Variants in SGCZ observed in about 807,000 individuals in gnomAD.
The protein encoded by SGCZ is sarcoglycan zeta.
Under a neutral mutation model 41.3 loss-of-function variants are expected in SGCZ, and 40 were observed. The ratio of observed to expected loss-of-function variants is 0.97; its 90% CI spans 0.75 to 1.26. The LOEUF is 1.26. Among genes scored for constraint, SGCZ ranks in the 50% most tolerant of loss-of-function variants. SGCZ has a pLI of 0.00. For missense variants in SGCZ, 552 were observed against 369.8 expected (o/e 1.49, Z -4.04); for synonymous variants, 206 against 137.5 (o/e 1.50, Z -3.49).
At chr8:14,867,019 AG>A (rs1803956099) in intron 1 of SGCZ, among the ~76,000 whole-genome samples, 1 of 152,124 alleles carries the variant, frequency 6.6e-6, no homozygotes, top group African/African-American at 2.4e-5. Flanking sequence ...GAAATTCTGT[AG>A]GAGCTAAAAT....
chr8:14,228,779 C>A (rs1423622275), intron 4 of SGCZ, among the ~76,000 whole-genome samples: 1 of 152,060 alleles, frequency 6.6e-6, no homozygotes, highest in Non-Finnish European at 1.5e-5. Flanking sequence ...ATTACTTTAA[C>A]AACTAAAGTT....
intron 1 of SGCZ, among the ~76,000 whole-genome samples, chr8:15,102,206 TA>T (rs542640462): frequency 5.2e-4 from 79 of 152,280 alleles, no homozygotes; most frequent in African/African-American, 1.8e-3. Context: ...TCCATACAAT[TA>T]AATATTTTTC....
At chr8:14,880,033 G>C (rs112827984) in intron 1 of SGCZ, among the ~76,000 whole-genome samples, 2,874 of 152,080 alleles carry the variant, frequency 0.019, 48 homozygotes, top group South Asian at 0.05. Context: ...TAGAGACTGT[G>C]TTTCTCCATG....
intron 1 of SGCZ, among the ~76,000 whole-genome samples, chr8:15,056,476 A>C (rs977447667): frequency 1.3e-5 from 2 of 152,154 alleles, no homozygotes; most frequent in African/African-American, 2.4e-5. Context: ...ACTCACTATT[A>C]ATGAATAAAT....
At chr8:14,836,683 T>A (rs933442898) in intron 1 of SGCZ, among the ~76,000 whole-genome samples, 2 of 152,088 alleles carry the variant, frequency 1.3e-5, no homozygotes, top group East Asian at 3.9e-4. Context: ...GTATTTTTAG[T>A]AGAGACACGG....
intron 4 of SGCZ, among the ~76,000 whole-genome samples, chr8:14,213,821 T>G (rs140010046): frequency 1.7e-3 from 254 of 152,200 alleles, no homozygotes; most frequent in Admixed American, 2.9e-3. Flanking sequence ...AAAGCAAAGT[T>G]TCAAGACTTC....
intron 1 of SGCZ, among the ~76,000 whole-genome samples, chr8:14,716,121 C>T (rs1369634869): frequency 6.6e-6 from 1 of 151,880 alleles, no homozygotes; most frequent in Non-Finnish European, 1.5e-5. Context: ...AATTAATTAC[C>T]TTCTTACCTT....
intron 1 of SGCZ, among the ~76,000 whole-genome samples, chr8:14,792,762 T>A (rs1016682836): frequency 1.2e-4 from 18 of 152,064 alleles, no homozygotes; most frequent in Non-Finnish European, 1.0e-4. Context: ...TCCAGGGTTT[T>A]CTTTTTCTCT....
At chr8:14,916,942 A>G (rs1165391887) in intron 1 of SGCZ, among the ~76,000 whole-genome samples, 2 of 152,170 alleles carry the variant, frequency 1.3e-5, no homozygotes, top group Admixed American at 1.3e-4. Flanking sequence ...AGCGTCAGAG[A>G]AAAACAGTCA....
intron 1 of SGCZ, among the ~76,000 whole-genome samples, chr8:14,871,200 G>A (rs908897286): frequency 9.9e-5 from 15 of 151,524 alleles, no homozygotes; most frequent in South Asian, 4.1e-4. Flanking sequence ...AGAGTGAAAC[G>A]CTCTCTCAAC....
At chr8:15,064,000 T>C (rs1056053122) in intron 1 of SGCZ, among the ~76,000 whole-genome samples, 2 of 152,208 alleles carry the variant, frequency 1.3e-5, no homozygotes, top group African/African-American at 2.4e-5. Flanking sequence ...TGGTATTGTA[T>C]AATAAGCTAG....
At chr8:15,136,810 T>C (rs1285503412) in intron 1 of SGCZ, among the ~76,000 whole-genome samples, 1 of 152,168 alleles carries the variant, frequency 6.6e-6, no homozygotes, top group Non-Finnish European at 1.5e-5. Flanking sequence ...TCAGGTATTC[T>C]TTCAGAGCAC....
At chr8:14,521,084 C>T (rs1802775416) in intron 2 of SGCZ, among the ~76,000 whole-genome samples, 1 of 152,034 alleles carries the variant, frequency 6.6e-6, no homozygotes, top group South Asian at 2.1e-4. Flanking sequence ...CCAATTGTAA[C>T]ATCTTGTAAA....
chr8:15,172,976 T>A (rs778242402), intron 1 of SGCZ, among the ~76,000 whole-genome samples: 1 of 152,222 alleles, frequency 6.6e-6, no homozygotes, highest in Non-Finnish European at 1.5e-5. Flanking sequence ...CATTTTAAAT[T>A]GACTATTCTG....
At chr8:15,179,033 T>G (rs1178944559) in intron 1 of SGCZ, among the ~76,000 whole-genome samples, 1 of 152,162 alleles carries the variant, frequency 6.6e-6, no homozygotes, top group Non-Finnish European at 1.5e-5. Context: ...TGTAGTAGAC[T>G]AAAAAACTAC....
intron 1 of SGCZ, among the ~76,000 whole-genome samples, chr8:15,169,982 C>T (rs1281498255): frequency 6.6e-6 from 1 of 152,126 alleles, no homozygotes; most frequent in African/African-American, 2.4e-5. Context: ...AATACTGCAG[C>T]CAAGTATTTA....
At chr8:14,172,417 C>G (rs867173403) in intron 4 of SGCZ, among the ~76,000 whole-genome samples, 50 of 152,208 alleles carry the variant, frequency 3.3e-4, no homozygotes, top group African/African-American at 1.2e-3. Flanking sequence ...ATTGCCTGGT[C>G]TGTTTTTAGA....
rs559587788 is a variant in SGCZ, at chr8:14,944,602, T to G, written c.39+292983A>C. The stretch of plus-strand genomic sequence containing the variant: ...ACTAGTAAAACAATAGACCAATAGA[T>G]TATATGGGTCAGCAAGGATAAGTTA... On this transcript the variant is annotated intron_variant, in intron 1 of 7. Transcript: ENST00000382080. Among the ~76,000 whole-genome samples the G allele has an allele frequency of 8.5e-5, 13 of 152,248 alleles. No homozygotes were observed. The South Asian group carries it at 2.7e-3, about 32-fold the overall frequency.
chr8:14,644,721 C>A (rs1380856358), intron 1 of SGCZ, among the ~76,000 whole-genome samples: 1 of 151,524 alleles, frequency 6.6e-6, no homozygotes, highest in Non-Finnish European at 1.5e-5. Context: ...TGAAAATTTG[C>A]AAAAATATCA....
Sources: gnomAD v4.1 joint callset for allele counts (sites outside exome capture counted in the v4.1 genomes callset) on GRCh38, gnomAD v4.1.1 for gene constraint, MANE v1.5 for transcripts, NCBI Gene and HGNC (gene_info 2026-07-23, HGNC 2026-07-21) for gene names.